Variants in ARHGAP22 observed in about 807,000 individuals in gnomAD.
The protein encoded by ARHGAP22 is Rho GTPase activating protein 22, also known as rho GTPase-activating protein 22.
ARHGAP22 carries 48 observed loss-of-function variants against 59.1 expected under a neutral mutation model. The ratio of observed to expected loss-of-function variants is 0.81; its 90% CI spans 0.64 to 1.03. The LOEUF is 1.03. Among genes scored for constraint, ARHGAP22 ranks in the 50% least tolerant of loss-of-function variants. ARHGAP22 has a pLI of 0.00. For missense variants in ARHGAP22, 1,015 were observed against 958.7 expected, an observed-to-expected ratio of 1.06 and a Z score of -0.78; for synonymous variants, 445 against 416.4, an observed-to-expected ratio of 1.07 and a Z score of -0.84.
chr10:48,465,026 T>TATTAGGGGCCCCA (rs1466891009), intron 4 of ARHGAP22, among the ~76,000 whole-genome samples: 1 of 152,184 alleles, frequency 6.6e-6, no homozygotes, highest in East Asian at 1.9e-4. Context: ...CGGCCTCCCT[T>TATTAGGGGCCCCA]ATTAGGGGCC....
intron 1 of ARHGAP22, among the ~76,000 whole-genome samples, chr10:48,599,808 C>T (rs76514884): frequency 0.018 from 2,772 of 152,270 alleles, 105 homozygotes; most frequent in East Asian, 0.13. Context: ...GGTGGCCTGT[C>T]TCCACCTTTC....
At chr10:48,455,226 T>C (rs549213957) in intron 5 of ARHGAP22, 92 bp from the exon 6 acceptor site, 772 of 1,401,188 alleles carry the variant, frequency 5.5e-4, no homozygotes, top group Non-Finnish European at 6.7e-4. Context: ...GGGCAGCCTC[T>C]GGTCTCAGGT....
rs540680061 is a variant in ARHGAP22, at chr10:48,562,818, A to G, written c.235-7268T>C. The stretch of plus-strand genomic sequence containing the variant: ...TTATACCTCAATAAAGCTGTTAAGA[A>G]AAACTGAATTTGATTCAGTTATCAA... On this transcript the variant is annotated intron_variant, in intron 2 of 9. Transcript: ENST00000249601. 4.6e-5 allele frequency among the ~76,000 whole-genome samples: 7 copies of G among 152,382 alleles called. 1 individual carries two copies. In the East Asian group the frequency reaches 1.3e-3, roughly 29 times the overall value.
chr10:48,597,985 T>C (rs767736618), intron 1 of ARHGAP22, among the ~76,000 whole-genome samples: 46 of 152,328 alleles, frequency 3.0e-4, no homozygotes, highest in Middle Eastern at 3.4e-3. Context: ...AGTTCAGGCC[T>C]GTCTTGCAAA....
chr10:48,584,706 T>C (rs1234356550), intron 1 of ARHGAP22, among the ~76,000 whole-genome samples: 1 of 152,222 alleles, frequency 6.6e-6, no homozygotes, highest in African/African-American at 2.4e-5. Flanking sequence ...AAATATTACA[T>C]AGTACTGGCT....
chr10:48,431,968 G>A, the ARHGAP22 span, among the ~76,000 whole-genome samples: 1 of 152,162 alleles, frequency 6.6e-6, no homozygotes, highest in Non-Finnish European at 1.5e-5. Flanking sequence ...TATGGATGAG[G>A]AAACTAAAGT....
rs921493190 is a variant in ARHGAP22, at chr10:48,450,434, G to A, written c.1695C>T (p.Asp565=). The A allele has an allele frequency of 1.0e-5, 16 of 1,563,216 alleles. No individual in the cohort carries two copies. Among genetic ancestry groups the A allele is most frequent in the Admixed American group, 3.7e-5 (2 of 53,364 alleles). ...CCGCCTCGTCCATGCTGTGGTCCAG[G>A]TCCAGGGACTTGGGGTCCTCGCTGC... The part of the protein sequence containing the change: ...PSSSEDPKSL[D]LDHSMDEAGA... The change falls in exon 9 of 10, where the codon GAC becomes GAT. Residue 565 remains aspartate (D), a synonymous_variant. Transcript: ENST00000249601.
At chr10:48,496,271 G>A (rs1159069174) in intron 3 of ARHGAP22, among the ~76,000 whole-genome samples, 1 of 152,070 alleles carries the variant, frequency 6.6e-6, no homozygotes, top group Non-Finnish European at 1.5e-5. Context: ...GTGGGGCTCT[G>A]GTGGTATGAG....
intron 1 of ARHGAP22, among the ~76,000 whole-genome samples, chr10:48,603,967 G>A (rs896322377): frequency 3.3e-5 from 5 of 152,208 alleles, no homozygotes. Flanking sequence ...TTTACAAAAG[G>A]AGCTCAGCCC....
intron 6 of ARHGAP22, among the ~76,000 whole-genome samples, chr10:48,454,689 G>C (rs965945016): frequency 2.0e-5 from 3 of 152,200 alleles, no homozygotes; most frequent in African/African-American, 7.2e-5. Context: ...CGGGTGTGGG[G>C]AGTGTGAGCA....
intron 8 of ARHGAP22, among the ~76,000 whole-genome samples, chr10:48,452,711 T>C (rs113594133): frequency 2.0e-3 from 299 of 152,334 alleles, no homozygotes; most frequent in African/African-American, 6.7e-3. Flanking sequence ...CTGACTGGCC[T>C]CTGGTGAGTC....
At chr10:48,599,071 A>G (rs963667239) in intron 1 of ARHGAP22, among the ~76,000 whole-genome samples, 1 of 152,178 alleles carries the variant, frequency 6.6e-6, no homozygotes, top group African/African-American at 2.4e-5. Context: ...TTGAGGATGA[A>G]GGGAGATAAT....
Position 48,633,352 on chromosome 10 carries a change from C to T in ARHGAP22, c.52+18882G>A, listed in dbSNP as rs544350732. Among the ~76,000 whole-genome samples the T allele has an allele frequency of 1.3e-4, 20 of 152,344 alleles. No individual in the cohort carries two copies. The South Asian group carries it at 4.1e-3, about 32-fold the overall frequency. ...GGAGAAAGCTCCAAATGTAGGGTTCCTGTGTCCAGAGTCTCCATCATATCA... is the reference window on the plus strand; with the variant it reads ...GGAGAAAGCTCCAAATGTAGGGTTCTTGTGTCCAGAGTCTCCATCATATCA... On this transcript the variant is annotated intron_variant, in intron 1 of 9. Coordinates refer to the ARHGAP22 transcript ENST00000435790.
In ARHGAP22 at chr10:48,451,055, G is replaced by A; in HGVS notation, c.1074C>T (p.Thr358=). 6.4e-7 allele frequency: 1 copy of A among 1,552,602 alleles called. No individual in the cohort carries two copies. The highest frequency in any genetic ancestry group is 8.7e-7 in the Non-Finnish European group (1 of 1,148,014). ...LFTAPVPEGP[T]SPRGGLQCAV... ...CGCATTGCAGGCCCCCGCGCGGGGA[G>A]GTGGGCCCTTCCGGGACCGGTGCCG... is the stretch of plus-strand genomic sequence containing the variant. Residue 358 remains threonine (T), a synonymous_variant, in exon 9 of 10, where the codon ACC becomes ACT. Transcript: ENST00000249601.
At chr10:48,461,016 G>T (rs1259102811) in intron 4 of ARHGAP22, among the ~76,000 whole-genome samples, 4 of 152,198 alleles carry the variant, frequency 2.6e-5, no homozygotes, top group African/African-American at 7.2e-5. Context: ...TGGGCACAGA[G>T]TCTCAGCTTT....
intron 2 of ARHGAP22, among the ~76,000 whole-genome samples, chr10:48,577,424 C>T (rs1252870961): frequency 1.3e-5 from 2 of 152,170 alleles, no homozygotes; most frequent in Non-Finnish European, 2.9e-5. Context: ...ATGGAGCTGA[C>T]TGGGTGGCGT....
intron 4 of ARHGAP22, among the ~76,000 whole-genome samples, chr10:48,468,589 G>T (rs1270252568): frequency 6.6e-6 from 1 of 152,230 alleles, no homozygotes; most frequent in East Asian, 1.9e-4. Flanking sequence ...TCCAGAACTA[G>T]AAGATAATCA....
chr10:48,598,269 C>T (rs1172249733), intron 1 of ARHGAP22, among the ~76,000 whole-genome samples: 1 of 152,174 alleles, frequency 6.6e-6, no homozygotes, highest in African/African-American at 2.4e-5. Flanking sequence ...TTGCAGCGCC[C>T]CTCTTCTGGG....
intron 3 of ARHGAP22, among the ~76,000 whole-genome samples, chr10:48,554,053 C>A (rs1177541125): frequency 1.3e-5 from 2 of 152,258 alleles, no homozygotes; most frequent in African/African-American, 4.8e-5. Flanking sequence ...CTACTCCATA[C>A]CCCAGGATCC....
Sources: allele counts gnomAD v4.1 joint callset (sites outside exome capture counted in the v4.1 genomes callset), GRCh38; gene constraint gnomAD v4.1.1; transcripts MANE v1.5; gene names NCBI Gene and HGNC (gene_info 2026-07-23, HGNC 2026-07-21).